The following MAGI2 variants were observed in gnomAD, a reference collection of about 807,000 sequenced individuals.
The protein encoded by MAGI2 is membrane-associated guanylate kinase, WW and PDZ domain-containing protein 2.
Under a neutral mutation model 133.3 loss-of-function variants are expected in MAGI2, and 35 were observed. That is an observed-to-expected ratio of 0.26 (90% CI 0.20 to 0.35). The LOEUF is 0.35. MAGI2 is among the 10% of genes least tolerant of loss of function. The pLI is 1.00. For missense variants in MAGI2, 1,636 were observed against 1,863.4 expected (o/e 0.88, Z 2.25); for synonymous variants, 729 against 710.6 (o/e 1.03, Z -0.41).
chr7:78,880,293 C>A (rs116403777), intron 2 of MAGI2, among the ~76,000 whole-genome samples: 1 of 151,808 alleles, frequency 6.6e-6, no homozygotes, highest in Non-Finnish European at 1.5e-5. Context: ...AAGATCAGCA[C>A]GGAAGAAAAA....
At chr7:78,100,184 G>A (rs937139826) in intron 20 of MAGI2, among the ~76,000 whole-genome samples, 6 of 152,132 alleles carry the variant, frequency 3.9e-5, no homozygotes, top group African/African-American at 1.4e-4. Context: ...TCCCACTGGT[G>A]CTCCTCTCAG....
At chr7:78,144,194 T>C (rs1279232427) in intron 16 of MAGI2, among the ~76,000 whole-genome samples, 1 of 152,168 alleles carries the variant, frequency 6.6e-6, no homozygotes. Context: ...AAAATGGTTA[T>C]AATAAAAAAT....
chr7:78,941,737 C>CAAAA (rs1554613269), intron 2 of MAGI2, among the ~76,000 whole-genome samples: 1 of 142,766 alleles, frequency 7.0e-6, no homozygotes, highest in African/African-American at 2.7e-5. Context: ...ATCACACACA[C>CAAAA]ACACACACAC....
chr7:78,286,874 T>G (rs1001555668), intron 9 of MAGI2, among the ~76,000 whole-genome samples: 3 of 152,108 alleles, frequency 2.0e-5, no homozygotes, highest in African/African-American at 7.2e-5. Context: ...CAGGCAGATA[T>G]GTTGATATCA....
chr7:78,434,009 T>C (rs1176133238), intron 6 of MAGI2, among the ~76,000 whole-genome samples: 1 of 152,138 alleles, frequency 6.6e-6, no homozygotes. Flanking sequence ...AGGAGGAAAA[T>C]ATGTATTGAT....
chr7:79,413,182 T>C (rs531203385), intron 1 of MAGI2: 3 of 152,256 alleles, frequency 2.0e-5, no homozygotes, highest in African/African-American at 7.2e-5. Context: ...AGTTTACATT[T>C]AAAAATATTT....
intron 9 of MAGI2, among the ~76,000 whole-genome samples, chr7:78,323,572 G>A (rs966197563): frequency 6.6e-6 from 1 of 152,148 alleles, no homozygotes; most frequent in African/African-American, 2.4e-5. Context: ...CATTGCCTTG[G>A]AATCCTGCTT....
At chr7:78,415,134 C>T (rs1325157407) in intron 6 of MAGI2, among the ~76,000 whole-genome samples, 1 of 152,030 alleles carries the variant, frequency 6.6e-6, no homozygotes, top group Non-Finnish European at 1.5e-5. Context: ...TCATTTAAAG[C>T]CTGTGCCTTA....
At chr7:78,809,779 T>G (rs528426770) in intron 2 of MAGI2, among the ~76,000 whole-genome samples, 29 of 152,308 alleles carry the variant, frequency 1.9e-4, no homozygotes, top group Admixed American at 1.8e-3. Flanking sequence ...AACAACAATT[T>G]CCAGAATAAT....
intron 5 of MAGI2, among the ~76,000 whole-genome samples, chr7:78,498,771 A>G (rs1393224595): frequency 1.3e-5 from 2 of 152,024 alleles, no homozygotes; most frequent in African/African-American, 4.8e-5. Context: ...GGTGTTGGGG[A>G]GCAGGCGGGC....
intron 2 of MAGI2, among the ~76,000 whole-genome samples, chr7:78,922,301 C>T (rs1584400153): frequency 6.6e-6 from 1 of 151,886 alleles, no homozygotes; most frequent in South Asian, 2.1e-4. Context: ...ATTAAGTCGT[C>T]ATTTAGCATT....
chr7:79,391,462 T>A (rs1009151535), intron 1 of MAGI2, among the ~76,000 whole-genome samples: 2 of 144,210 alleles, frequency 1.4e-5, no homozygotes, highest in Admixed American at 1.4e-4. Context: ...AAGGAAAAAA[T>A]GTATTCTAAA....
intron 2 of MAGI2, among the ~76,000 whole-genome samples, chr7:78,795,422 T>C (rs189165240): frequency 6.6e-6 from 1 of 152,040 alleles, no homozygotes; most frequent in Non-Finnish European, 1.5e-5. Flanking sequence ...CAATGATCAA[T>C]CTGCAGAAGA....
chr7:78,298,669 A>G (rs1214680060), intron 9 of MAGI2, among the ~76,000 whole-genome samples: 1 of 151,934 alleles, frequency 6.6e-6, no homozygotes, highest in Non-Finnish European at 1.5e-5. Context: ...CCCTTGGCTA[A>G]TTTTTGTATT....
chr7:78,529,956 C>T (rs935091649), intron 3 of MAGI2, among the ~76,000 whole-genome samples: 2 of 151,676 alleles, frequency 1.3e-5, no homozygotes, highest in Non-Finnish European at 2.9e-5. Flanking sequence ...TATTTTAATA[C>T]TAAGTCTTCA....
chr7:78,640,071 G>A (rs553257529), intron 2 of MAGI2, among the ~76,000 whole-genome samples: 1 of 152,182 alleles, frequency 6.6e-6, no homozygotes, highest in Non-Finnish European at 1.5e-5. Context: ...TGGTCTTTTA[G>A]GCATGAAGGG....
At chr7:78,864,148 A>G (rs534462769) in intron 2 of MAGI2, among the ~76,000 whole-genome samples, 3 of 152,332 alleles carry the variant, frequency 2.0e-5, no homozygotes, top group Non-Finnish European at 4.4e-5. Flanking sequence ...CCAACTAAAA[A>G]TTACTATCTT....
intron 2 of MAGI2, among the ~76,000 whole-genome samples, chr7:78,955,723 CTCTTTCTTTCTTTCTTTCTTTCTTTCTT>C (rs1158477695): frequency 8.4e-5 from 7 of 83,492 alleles, no homozygotes; most frequent in Non-Finnish European, 1.2e-4. Context: ...TTCTTTCTTT[CTCTTTCTTTCTTTCTTTCTTTCTTTCTT>C]TCTTTCTTTC....
intron 1 of MAGI2, among the ~76,000 whole-genome samples, chr7:79,441,235 G>A (rs1012759575): frequency 1.3e-5 from 2 of 152,170 alleles, no homozygotes; most frequent in Non-Finnish European, 2.9e-5. Context: ...TTGGGGAGGA[G>A]GAGAAAAAAT....
Sources: gnomAD v4.1 joint callset for allele counts (sites outside exome capture counted in the v4.1 genomes callset) on GRCh38, gnomAD v4.1.1 for gene constraint, MANE v1.5 for transcripts, NCBI Gene and HGNC (gene_info 2026-07-23, HGNC 2026-07-21) for gene names.